The following ESRRG variants were observed in gnomAD, a reference collection of about 807,000 sequenced individuals.
The protein encoded by ESRRG is estrogen related receptor gamma, also known as estrogen-related receptor gamma.
Under a neutral mutation model 44.0 loss-of-function variants are expected in ESRRG, and 13 were observed. That is an observed-to-expected ratio of 0.30 (90% confidence interval 0.19 to 0.47). The LOEUF (loss-of-function observed/expected upper bound fraction) is 0.47, where lower values mean the gene tolerates loss of function less well. Ranked by LOEUF, ESRRG falls within the 20% of genes least tolerant of loss-of-function variation. The probability of loss-of-function intolerance (pLI) is 1.00; values close to 1 mark genes in which losing one functional copy is unlikely to be tolerated. For missense variants in ESRRG, 395 were observed against 580.6 expected, an observed-to-expected ratio of 0.68 and a Z score of 3.29; for synonymous variants, 215 against 214.6, an observed-to-expected ratio of 1.00 and a Z score of -0.02.
chr1:216,558,861 T>C (rs953866429), intron 5 of ESRRG, among the ~76,000 whole-genome samples: 30 of 151,872 alleles, frequency 2.0e-4, no homozygotes, highest in Non-Finnish European at 8.8e-5. Context: ...TTTTTGTTTT[T>C]TGTTTTTTGT....
chr1:216,854,451 T>C (rs888398456), intron 2 of ESRRG, among the ~76,000 whole-genome samples: 3 of 149,208 alleles, frequency 2.0e-5, no homozygotes, highest in Non-Finnish European at 3.0e-5. Flanking sequence ...GATCAGGGAG[T>C]TGTCTTATCC....
chr1:216,772,995 T>C (rs915534775), intron 2 of ESRRG, among the ~76,000 whole-genome samples: 4 of 152,088 alleles, frequency 2.6e-5, no homozygotes, highest in Non-Finnish European at 4.4e-5. Flanking sequence ...AGATAGGAGA[T>C]CAGGAGATGA....
intron 1 of ESRRG, among the ~76,000 whole-genome samples, chr1:216,963,480 C>A (rs1368253707): frequency 6.6e-6 from 1 of 152,100 alleles, no homozygotes; most frequent in African/African-American, 2.4e-5. Flanking sequence ...AACCATGTTT[C>A]CTGAGGTCCT....
At chr1:216,765,350 A>G (rs757131432) in intron 2 of ESRRG, among the ~76,000 whole-genome samples, 25 of 151,966 alleles carry the variant, frequency 1.6e-4, no homozygotes, top group Non-Finnish European at 1.3e-4. Flanking sequence ...TTCTACTGCT[A>G]TAAGGACTTT....
chr1:217,081,685 C>T (rs2091781578), intron 1 of ESRRG, among the ~76,000 whole-genome samples: 1 of 152,002 alleles, frequency 6.6e-6, no homozygotes, highest in Non-Finnish European at 1.5e-5. Context: ...CTCAAATAAT[C>T]ATCAAGCCTT....
At chr1:217,031,647 AT>A (rs138089587) in intron 1 of ESRRG, among the ~76,000 whole-genome samples, 2,910 of 152,322 alleles carry the variant, frequency 0.019, 101 homozygotes, top group African/African-American at 0.066. Context: ...CCCAAATCTC[AT>A]TTTGAATTGT....
intron 2 of ESRRG, among the ~76,000 whole-genome samples, chr1:216,789,297 C>T (rs370621733): frequency 3.3e-4 from 50 of 152,262 alleles, no homozygotes; most frequent in African/African-American, 1.2e-3. Flanking sequence ...TCAGCAACTG[C>T]CATGCTGATC....
chr1:216,680,841 GACTTC>G (rs1040782248), intron 1 of ESRRG, among the ~76,000 whole-genome samples: 1 of 152,114 alleles, frequency 6.6e-6, no homozygotes, highest in African/African-American at 2.4e-5. Flanking sequence ...TTTTATTCTA[GACTTC>G]ACTTCAATCT....
chr1:216,999,086 G>T (rs1054492407), intron 1 of ESRRG, among the ~76,000 whole-genome samples: 15 of 152,178 alleles, frequency 9.9e-5, no homozygotes, highest in African/African-American at 3.4e-4. Context: ...AGAATGCTGT[G>T]GATCAGTGGC....
intron 1 of ESRRG, among the ~76,000 whole-genome samples, chr1:216,947,883 C>G (rs2066312769): frequency 6.6e-6 from 1 of 152,068 alleles, no homozygotes; most frequent in African/African-American, 2.4e-5. Context: ...GCAGAAGTGA[C>G]AGGAGCCTCC....
At chr1:216,829,025 A>G (rs2148711812) in intron 2 of ESRRG, among the ~76,000 whole-genome samples, 1 of 152,340 alleles carries the variant, frequency 6.6e-6, no homozygotes. Flanking sequence ...CTAGGATACA[A>G]GGACATATGT....
rs76339191 is a variant in ESRRG, at chr1:216,865,675, T to G, written c.-14+73907A>C. Among the ~76,000 whole-genome samples the G allele has an allele frequency of 4.6e-3, 696 of 152,280 alleles. 9 individuals are homozygous for G. Among genetic ancestry groups the G allele is most frequent in the African/African-American group, 0.016 (667 of 41,564 alleles). On this transcript the variant is annotated intron_variant, in intron 2 of 7. Coordinates refer to the ESRRG transcript ENST00000359162. ...AATGCACATTAAAAATATAATCCAA[T>G]GGACCATTTAATTTTCAAGATTTTA...
chr1:216,989,000 C>T lies in ESRRG; in HGVS notation c.-105-49327G>A, dbSNP rs1353343271. Among the ~76,000 whole-genome samples, 5 of 152,246 alleles carry T rather than the reference C, an allele frequency of 3.3e-5. No individual in the cohort carries two copies. The East Asian group carries it at 7.7e-4, about 24-fold the overall frequency. On this transcript the variant is annotated intron_variant, in intron 1 of 7. Transcript: ENST00000359162. ...ATTGGGATTACAACAATCACACTTC[C>T]ACCATGAGACTTGAAAGGCAGATGC...
chr1:216,792,492 G>A (rs10218498), intron 2 of ESRRG, among the ~76,000 whole-genome samples: 14,997 of 152,000 alleles, frequency 0.099, 1,002 homozygotes, highest in East Asian at 0.2. Flanking sequence ...AACTATTCAG[G>A]GAAAAAGGGG....
chr1:217,095,517 C>T (rs531646395), intron 1 of ESRRG, among the ~76,000 whole-genome samples: 12 of 152,018 alleles, frequency 7.9e-5, no homozygotes, highest in Admixed American at 3.3e-4. Flanking sequence ...GGACTGAGGC[C>T]GGACCTTGGC....
chr1:217,055,560 C>G (rs1188637244), intron 1 of ESRRG, among the ~76,000 whole-genome samples: 2 of 152,126 alleles, frequency 1.3e-5, no homozygotes, highest in Non-Finnish European at 2.9e-5. Context: ...TCATGTACCC[C>G]AAAACCAGGG....
chr1:216,860,630 G>T (rs909852410), intron 2 of ESRRG, among the ~76,000 whole-genome samples: 5 of 152,098 alleles, frequency 3.3e-5, no homozygotes, highest in Non-Finnish European at 7.4e-5. Flanking sequence ...ACTGTCAACT[G>T]AGAATTTGAA....
At chr1:216,852,775 CAT>C (rs894613887) in intron 2 of ESRRG, among the ~76,000 whole-genome samples, 2 of 152,144 alleles carry the variant, frequency 1.3e-5, no homozygotes, top group Admixed American at 1.3e-4. Context: ...AAAGTCCAGA[CAT>C]TTAGGTCTAG....
At chr1:216,768,865 T>C (rs995587073) in intron 2 of ESRRG, among the ~76,000 whole-genome samples, 3 of 152,096 alleles carry the variant, frequency 2.0e-5, no homozygotes, top group African/African-American at 7.2e-5. Context: ...ATATCTTGTC[T>C]AGGATTACAC....
Sources: gnomAD v4.1 joint callset for allele counts (sites outside exome capture counted in the v4.1 genomes callset) on GRCh38, gnomAD v4.1.1 for gene constraint, MANE v1.5 for transcripts, NCBI Gene and HGNC (gene_info 2026-07-23, HGNC 2026-07-21) for gene names.